Variants in USP33 observed in about 807,000 individuals in gnomAD.
USP33 encodes ubiquitin carboxyl-terminal hydrolase 33.
USP33 carries 46 observed loss-of-function variants against 124.2 expected under a neutral mutation model. That is an observed-to-expected ratio of 0.37 (90% CI 0.29 to 0.47). The LOEUF (loss-of-function observed/expected upper bound fraction) is 0.47, where lower values mean the gene tolerates loss of function less well. Among genes scored for constraint, USP33 ranks in the 20% least tolerant of loss-of-function variants. The pLI is 0.99. For missense variants in USP33, 851 were observed against 1,070.6 expected (o/e 0.79, Z 2.86); for synonymous variants, 350 against 352.3 (o/e 0.99, Z 0.07).
chr1:77,703,951 C>T (rs1158924450), intron 21 of USP33, among the ~76,000 whole-genome samples: 3 of 151,876 alleles, frequency 2.0e-5, no homozygotes, highest in Non-Finnish European at 4.4e-5. Context: ...CCTGGGAGAT[C>T]AAGGCTGCAA....
At position 77,725,627 on chromosome 1, in the gene USP33, T is replaced by A; in HGVS notation, c.1271A>T (p.Lys424Ile). The A allele has an allele frequency of 6.2e-7, 1 of 1,614,020 alleles. No homozygotes were observed. The highest frequency in any genetic ancestry group is 8.5e-7 in the Non-Finnish European group (1 of 1,179,976). ...NLWPGLAPPH[K>I]KAQSASPKRK... ...GAATAAGAGAAACGTTTTACCTTTT[T>A]TGTGTGGTGGTGCCAATCCTGGCCA... The change falls in exon 11 of 24, where the codon AAA becomes ATA. Residue 424 changes from lysine (K) to isoleucine (I), a missense_variant. Transcript: ENST00000370794.
chr1:77,726,464 T>C (rs1343510341), intron 10 of USP33, among the ~76,000 whole-genome samples: 1 of 151,718 alleles, frequency 6.6e-6, no homozygotes, highest in East Asian at 1.9e-4. Flanking sequence ...CGCAACATCA[T>C]GAGACCCCCA....
intron 5 of USP33, among the ~76,000 whole-genome samples, chr1:77,737,921 T>G (rs902827509): frequency 1.3e-5 from 2 of 152,224 alleles, no homozygotes; most frequent in African/African-American, 4.8e-5. Context: ...CTTTTTCTAC[T>G]TATTACCATT....
chr1:77,751,004 A>C (rs1680280544), intron 1 of USP33, among the ~76,000 whole-genome samples: 1 of 152,236 alleles, frequency 6.6e-6, no homozygotes, highest in Non-Finnish European at 1.5e-5. Flanking sequence ...TAATCACAGG[A>C]GATGAGTATT....
At chr1:77,747,239 GCTT>G (rs1441731246) in intron 1 of USP33, among the ~76,000 whole-genome samples, 7 of 140,480 alleles carry the variant, frequency 5.0e-5, no homozygotes, top group Admixed American at 1.4e-4. Flanking sequence ...GGGCTTCTGG[GCTT>G]TTTTTTTTTT....
intron 4 of USP33, among the ~76,000 whole-genome samples, chr1:77,739,899 C>A (rs1376833650): frequency 6.6e-6 from 1 of 152,172 alleles, no homozygotes; most frequent in African/African-American, 2.4e-5. Context: ...AAAAAATGAT[C>A]TGAGTGACTA....
At chr1:77,721,594 T>G in intron 14 of USP33, 2 of 513,324 alleles carry the variant, frequency 3.9e-6, no homozygotes, top group South Asian at 4.8e-5. Context: ...AGAACAGCTT[T>G]AAAACATTTC....
chr1:77,758,751 A>G (rs1261363359), intron 1 of USP33, among the ~76,000 whole-genome samples: 1 of 152,224 alleles, frequency 6.6e-6, no homozygotes, highest in Non-Finnish European at 1.5e-5. Context: ...GTTTTTCTTA[A>G]AGGAAAAATA....
intron 21 of USP33, among the ~76,000 whole-genome samples, chr1:77,703,553 C>T (rs1320014230): frequency 2.6e-5 from 4 of 151,996 alleles, no homozygotes; most frequent in East Asian, 1.9e-4. Context: ...GAACCCGGGA[C>T]GAGAAGGTTG....
intron 21 of USP33, among the ~76,000 whole-genome samples, chr1:77,710,357 C>T (rs1675109777): frequency 6.6e-6 from 1 of 152,168 alleles, no homozygotes; most frequent in Admixed American, 6.5e-5. Context: ...CTGCCCAGTC[C>T]TTTCAATAGT....
Position 77,697,886 on chromosome 1 carries a change from C to T in USP33, c.2555G>A (p.Cys852Tyr). Residue 852 changes from cysteine (C) to tyrosine (Y), a missense_variant, in exon 23 of 24, where the codon TGT (cysteine) becomes TAT (tyrosine). Cys to Tyr is a radical substitution (Grantham distance 194). Around this residue, in one of 4 missense-constraint regions of USP33, gnomAD observed 142 missense variants for 141.8 expected, o/e 1.00. Transcript: ENST00000370794. ...IDNTKIAVTKCGNVMLRQGAD... is the reference protein window; with the variant it reads ...IDNTKIAVTKYGNVMLRQGAD... ...ACCTTGCCTAAGCATCACATTACCA[C>T]ATTTAGTGACTGCAATCTTAGTATT... The T allele has an allele frequency of 6.2e-7, 1 of 1,611,204 alleles. No homozygotes were observed. Among genetic ancestry groups the T allele is most frequent in the East Asian group, 2.2e-5 (1 of 44,782 alleles).
At chr1:77,724,845 C>T (rs139428006) in intron 11 of USP33, among the ~76,000 whole-genome samples, 72 of 152,030 alleles carry the variant, frequency 4.7e-4, no homozygotes, top group African/African-American at 1.7e-3. Flanking sequence ...ATCACAAGGT[C>T]AGGAGTTCGA....
At chr1:77,749,413 G>A (rs898548082) in intron 1 of USP33, among the ~76,000 whole-genome samples, 3 of 150,468 alleles carry the variant, frequency 2.0e-5, no homozygotes, top group Non-Finnish European at 4.4e-5. Flanking sequence ...ACGGAGTCTC[G>A]CTCTGCTGCC....
At chr1:77,756,616 C>T (rs1228759895) in intron 1 of USP33, among the ~76,000 whole-genome samples, 1 of 152,170 alleles carries the variant, frequency 6.6e-6, no homozygotes, top group Non-Finnish European at 1.5e-5. Flanking sequence ...GGAAAACCAC[C>T]CAGCTCCCCT....
At chr1:77,704,201 G>A (rs1674360796) in intron 21 of USP33, among the ~76,000 whole-genome samples, 1 of 152,144 alleles carries the variant, frequency 6.6e-6, no homozygotes. Context: ...CAAGGTAGCT[G>A]CTTCAATGGA....
chr1:77,703,484 C>T (rs1674268237), intron 21 of USP33, among the ~76,000 whole-genome samples: 1 of 152,082 alleles, frequency 6.6e-6, no homozygotes, highest in South Asian at 2.1e-4. Context: ...ATTAGCTAGG[C>T]ATGGTGGTGG....
At chr1:77,744,621 A>G (rs570097353) in intron 1 of USP33, among the ~76,000 whole-genome samples, 19 of 152,290 alleles carry the variant, frequency 1.2e-4, no homozygotes, top group African/African-American at 4.1e-4. Context: ...AGGCAGGAGG[A>G]TTCCTTGAGC....
intron 4 of USP33, among the ~76,000 whole-genome samples, chr1:77,739,945 T>A (rs1205102302): frequency 6.6e-6 from 1 of 152,136 alleles, no homozygotes; most frequent in Non-Finnish European, 1.5e-5. Flanking sequence ...ACACAGCAAA[T>A]ACCATCTTAG....
At chr1:77,702,168 A>C (rs1181702483) in intron 21 of USP33, among the ~76,000 whole-genome samples, 2 of 124,636 alleles carry the variant, frequency 1.6e-5, no homozygotes, top group Admixed American at 7.7e-5. Context: ...AAAAAAAAAA[A>C]AAAAAAAAAC....
Sources: gnomAD v4.1 joint callset for allele counts (sites outside exome capture counted in the v4.1 genomes callset) on GRCh38, gnomAD v4.1.1 for gene constraint, gnomAD v4.1.1 regional missense constraint, MANE v1.5 for transcripts, NCBI Gene and HGNC (gene_info 2026-07-23, HGNC 2026-07-21) for gene names.